The following STK3 variants were observed in gnomAD, a reference collection of about 807,000 sequenced individuals.
STK3 encodes the protein serine/threonine-protein kinase 3.
A neutral mutation model predicts 58.0 loss-of-function variants in STK3; 41 were observed. The observed-to-expected ratio is 0.71, with a 90% CI of 0.55 to 0.92. The LOEUF (loss-of-function observed/expected upper bound fraction) is 0.92. Ranked by LOEUF, STK3 falls within the 40% of genes least tolerant of loss-of-function variation. STK3 has a pLI of 0.00. For missense variants in STK3, 479 were observed against 602.7 expected (o/e 0.79, Z 2.15); for synonymous variants, 170 against 191.0 (o/e 0.89, Z 0.91).
chr8:98,924,808 T>C lies in STK3; in HGVS notation c.-79+17570A>G, dbSNP rs545425393. Among the ~76,000 whole-genome samples the C allele has an allele frequency of 3.5e-4, 54 of 152,138 alleles. 1 individual carries two copies. The highest frequency in any genetic ancestry group is 7.5e-4 in the Non-Finnish European group (51 of 68,020). On this transcript the variant is annotated intron_variant, in intron 1 of 1. Transcript: ENST00000519420. ...GGTCTGCGGAAAGCAGAAGGTGCAA[T>C]GAGAGGCTGTGAGAGTTCAGAGGAA... is the stretch of plus-strand genomic sequence containing the variant.
At chr8:98,744,013 A>G (rs1480071894) in intron 4 of STK3, among the ~76,000 whole-genome samples, 2 of 152,064 alleles carry the variant, frequency 1.3e-5, no homozygotes, top group Non-Finnish European at 2.9e-5. Context: ...GAGAAATGCA[A>G]ATCAAAACCA....
chr8:98,517,689 T>C (rs980505860), intron 10 of STK3, among the ~76,000 whole-genome samples: 2 of 152,100 alleles, frequency 1.3e-5, no homozygotes, highest in Non-Finnish European at 2.9e-5. Flanking sequence ...GATATATGCA[T>C]TACTAGTTTC....
upstream of STK3, among the ~76,000 whole-genome samples, chr8:98,825,890 AGCCTGCG>A (rs1835268202): frequency 9.5e-5 from 2 of 20,964 alleles, 1 homozygote; most frequent in South Asian, 5.6e-3. Flanking sequence ...GCCGGCCGCC[AGCCTGCG>A]GCGGCGGCCC....
chr8:98,791,447 C>A (rs1832796931), intron 1 of STK3, among the ~76,000 whole-genome samples: 1 of 152,162 alleles, frequency 6.6e-6, no homozygotes, highest in Non-Finnish European at 1.5e-5. Context: ...CACCATCATT[C>A]TTCACAGAAT....
intron 8 of STK3, among the ~76,000 whole-genome samples, chr8:98,565,286 C>T (rs200275505): frequency 6.6e-6 from 1 of 151,994 alleles, no homozygotes; most frequent in South Asian, 2.1e-4. Context: ...TTGCTTTTTC[C>T]AAAAGCCACC....
intron 10 of STK3, among the ~76,000 whole-genome samples, chr8:98,462,338 AG>A (rs1820056955): frequency 6.6e-6 from 1 of 152,122 alleles, no homozygotes; most frequent in African/African-American, 2.4e-5. Flanking sequence ...TACACAATGG[AG>A]TACATTCGTG....
intron 10 of STK3, among the ~76,000 whole-genome samples, chr8:98,500,222 T>C (rs1823465059): frequency 6.6e-6 from 1 of 152,058 alleles, no homozygotes; most frequent in Non-Finnish European, 1.5e-5. Context: ...AAAGATGCTA[T>C]ATCACTGGCT....
intron 6 of STK3, among the ~76,000 whole-genome samples, chr8:98,667,443 T>A (rs1036041993): frequency 1.3e-5 from 2 of 152,164 alleles, no homozygotes; most frequent in African/African-American, 4.8e-5. Flanking sequence ...TCCATAAACT[T>A]TCTAACTGAT....
At chr8:98,512,424 T>C (rs1026504050) in intron 10 of STK3, among the ~76,000 whole-genome samples, 2 of 152,174 alleles carry the variant, frequency 1.3e-5, no homozygotes, top group African/African-American at 4.8e-5. Context: ...ACTTTGGAGA[T>C]ACAAGATAAG....
At chr8:98,367,805 A>T (rs1305918818), downstream of STK3, among the ~76,000 whole-genome samples, 2 of 152,232 alleles carry the variant, frequency 1.3e-5, no homozygotes, top group African/African-American at 4.8e-5. Flanking sequence ...GACTGACTTG[A>T]AAAATCCAGC....
the STK3 span, among the ~76,000 whole-genome samples, chr8:98,354,935 G>A: frequency 6.6e-6 from 1 of 152,022 alleles, no homozygotes; most frequent in East Asian, 1.9e-4. Context: ...CTGCAACCAC[G>A]CCTGGCTAAT....
chr8:98,451,988 A>T (rs1234105226), downstream of STK3, among the ~76,000 whole-genome samples: 1 of 151,928 alleles, frequency 6.6e-6, no homozygotes, highest in African/African-American at 2.4e-5. Context: ...GTAATGCGAT[A>T]TAACTCCAAT....
chr8:98,824,656 TGTCTA>T (rs1179677518), intron 1 of STK3, among the ~76,000 whole-genome samples: 1 of 152,194 alleles, frequency 6.6e-6, no homozygotes. Context: ...AAGGCTCACA[TGTCTA>T]GTCACACAAT....
intron 3 of STK3, among the ~76,000 whole-genome samples, chr8:98,422,004 T>A (rs1030593139): frequency 1.3e-5 from 2 of 152,096 alleles, no homozygotes; most frequent in South Asian, 4.2e-4. Context: ...CCCCTTTTCA[T>A]TAAAGGACTC....
intron 6 of STK3, among the ~76,000 whole-genome samples, chr8:98,672,094 G>A (rs564262762): frequency 1.1e-4 from 16 of 152,134 alleles, no homozygotes; most frequent in South Asian, 1.0e-3. Context: ...ACTCAGTCTC[G>A]GGTATTTCTT....
intron 6 of STK3, among the ~76,000 whole-genome samples, chr8:98,625,371 C>T (rs1818637329): frequency 6.6e-6 from 1 of 152,128 alleles, no homozygotes. Flanking sequence ...GGAAAGAAGG[C>T]ACATTTTCAA....
At chr8:98,553,730 G>A (rs923997698) in intron 8 of STK3, among the ~76,000 whole-genome samples, 7 of 152,114 alleles carry the variant, frequency 4.6e-5, no homozygotes, top group Admixed American at 1.3e-4. Flanking sequence ...TTGGGAGGCC[G>A]AGGTGGTTGG....
intron 6 of STK3, among the ~76,000 whole-genome samples, chr8:98,701,302 T>G (rs1409787501): frequency 6.6e-6 from 1 of 152,072 alleles, no homozygotes. Flanking sequence ...ATCTCCTGAT[T>G]TAAAATATAT....
intron 6 of STK3, among the ~76,000 whole-genome samples, chr8:98,626,406 G>C (rs1475700831): frequency 2.6e-5 from 4 of 152,194 alleles, no homozygotes; most frequent in Non-Finnish European, 5.9e-5. Context: ...GGTAAATAAA[G>C]TTTTATGGGA....
Sources: gnomAD v4.1 joint callset for allele counts (sites outside exome capture counted in the v4.1 genomes callset) on GRCh38, gnomAD v4.1.1 for gene constraint, MANE v1.5 for transcripts, NCBI Gene and HGNC (gene_info 2026-07-23, HGNC 2026-07-21) for gene names.